ANKRD42: variants seen among roughly 807,000 people sequenced by gnomAD.
ANKRD42 encodes ankyrin repeat domain-containing protein 42.
In ANKRD42, 43 loss-of-function variants were observed where a neutral mutation model predicts 51.5. That is an observed-to-expected ratio of 0.83 (90% CI 0.65 to 1.08). The LOEUF is 1.08. Among genes scored for constraint, ANKRD42 ranks in the 50% least tolerant of loss-of-function variants. The pLI, the probability that ANKRD42 is intolerant of heterozygous loss-of-function variation, is 0.00. For missense variants in ANKRD42, 608 were observed against 629.3 expected, an observed-to-expected ratio of 0.97 and a Z score of 0.36; for synonymous variants, 203 against 213.0, an observed-to-expected ratio of 0.95 and a Z score of 0.41.
At chr11:83,239,746 G>A (rs1412967927) in intron 8 of ANKRD42, among the ~76,000 whole-genome samples, 1 of 152,100 alleles carries the variant, frequency 6.6e-6, no homozygotes, top group Non-Finnish European at 1.5e-5. Flanking sequence ...GTATATTTTT[G>A]TATCAGCATC....
At chr11:83,238,284 T>A (rs535563702) in intron 8 of ANKRD42, among the ~76,000 whole-genome samples, 347 of 152,366 alleles carry the variant, frequency 2.3e-3, no homozygotes, top group Non-Finnish European at 3.7e-3. Flanking sequence ...GGTTTTTGTG[T>A]TAACATGTTT....
chr11:83,222,307 A>G (rs1434002051), intron 5 of ANKRD42, among the ~76,000 whole-genome samples: 2 of 152,206 alleles, frequency 1.3e-5, no homozygotes, highest in Non-Finnish European at 2.9e-5. Context: ...ACATACATTT[A>G]TTGAGCACAT....
chr11:83,262,070 C>T (rs904785741), downstream of ANKRD42: 5 of 729,240 alleles, frequency 6.9e-6, no homozygotes, highest in African/African-American at 1.9e-5. Flanking sequence ...AACAGGAAAT[C>T]CAACCAATTT....
intron 2 of ANKRD42, among the ~76,000 whole-genome samples, chr11:83,204,604 C>T (rs1356887085): frequency 1.7e-4 from 26 of 151,526 alleles, no homozygotes; most frequent in Admixed American, 1.3e-4. Context: ...ATGAAACGAA[C>T]GAACTTGGCA....
chr11:83,193,860 C>T lies in ANKRD42; in HGVS notation c.-811C>T. ...TAGCAGACGAAGACGGTGGCCGCCG[C>T]ACTAGCCACCACGTGTGGAGGATAA... On this transcript the variant is annotated 5_prime_UTR_variant, in exon 1 of 11. Transcript: ENST00000533342. The T allele has an allele frequency of 2.2e-6, 1 of 455,168 alleles. No homozygotes were observed. Among genetic ancestry groups the T allele is most frequent in the Non-Finnish European group, 4.4e-6 (1 of 225,916 alleles). The allele number at this position is 455,168 out of a possible 1,614,324, so 28.2% of individuals were successfully genotyped here.
chr11:83,234,998 C>T (rs905676582), intron 7 of ANKRD42, among the ~76,000 whole-genome samples: 5 of 152,098 alleles, frequency 3.3e-5, no homozygotes, highest in African/African-American at 7.2e-5. Context: ...GAGGTGGGTT[C>T]GCTTTTTAAA....
chr11:83,258,911 C>T (rs2135571796), downstream of ANKRD42, among the ~76,000 whole-genome samples: 1 of 138,422 alleles, frequency 7.2e-6, no homozygotes, highest in Admixed American at 7.1e-5. Flanking sequence ...TATGGATAGG[C>T]AGGTTAGGAT....
At chr11:83,197,854 A>C (rs558469143) in intron 1 of ANKRD42, among the ~76,000 whole-genome samples, 8 of 152,358 alleles carry the variant, frequency 5.3e-5, no homozygotes, top group African/African-American at 1.7e-4. Context: ...ATATATTTGC[A>C]TGTATGAGAT....
chr11:83,245,347 C>T lies in ANKRD42; in HGVS notation c.1196-151C>T, dbSNP rs1229374108. 5 of 700,738 alleles carry T rather than the reference C, an allele frequency of 7.1e-6. No individual in the cohort carries two copies. The Admixed American group carries it at 9.1e-5, about 13-fold the overall frequency. 43.4% of individuals were successfully genotyped at this position (700,738 alleles called of 1,614,324 possible). On this transcript the variant is annotated intron_variant, in intron 9 of 10. Transcript: ENST00000533342. The stretch of plus-strand genomic sequence containing the variant: ...TAGTATTCTGTTACTGATATTTATC[C>T]TTCTTTGTATATACCAACCTTCCTC...
chr11:83,242,567 G>GTTTTTTTTTTGTTTTTTTT (rs770772334), intron 9 of ANKRD42, among the ~76,000 whole-genome samples: 1 of 115,546 alleles, frequency 8.7e-6, no homozygotes, highest in African/African-American at 3.5e-5. Flanking sequence ...TGGTAGTTAA[G>GTTTTTTTTTTGTTTTTTTT]TTTTTTTTTT....
At chr11:83,251,813 T>C (rs1014227240), downstream of ANKRD42, among the ~76,000 whole-genome samples, 2 of 152,204 alleles carry the variant, frequency 1.3e-5, no homozygotes, top group Non-Finnish European at 1.5e-5. Context: ...CAAACATATA[T>C]TTCAAGATAT....
At chr11:83,245,456 G>T (rs1242043718) in intron 9 of ANKRD42, 42 bp from the exon 10 acceptor site, 2 of 1,530,098 alleles carry the variant, frequency 1.3e-6, no homozygotes, top group South Asian at 2.4e-5. Context: ...CACATGAGCT[G>T]TTATATGTCT....
intron 6 of ANKRD42, among the ~76,000 whole-genome samples, chr11:83,225,306 C>T (rs901618287): frequency 6.6e-6 from 1 of 151,970 alleles, no homozygotes; most frequent in Non-Finnish European, 1.5e-5. Flanking sequence ...GTGGCACATG[C>T]CGGTAATCCC....
intron 3 of ANKRD42, chr11:83,209,871 C>T: frequency 2.1e-6 from 1 of 471,498 alleles, no homozygotes; most frequent in East Asian, 4.2e-5. Context: ...AATATGACCC[C>T]AGAAGCCACG....
chr11:83,212,601 G>C (rs556528191), intron 5 of ANKRD42: 1 of 1,370,240 alleles, frequency 7.3e-7, no homozygotes, highest in South Asian at 1.2e-5. Flanking sequence ...ACACACAAAG[G>C]GGAAGGGCAG....
At chr11:83,218,560 A>G (rs1385349223) in intron 5 of ANKRD42, among the ~76,000 whole-genome samples, 1 of 152,148 alleles carries the variant, frequency 6.6e-6, no homozygotes, top group Non-Finnish European at 1.5e-5. Context: ...ATCTGCCTTT[A>G]TTTGTTTTAA....
chr11:83,228,231 C>CTTTTTTTTTTTTT (rs11403803), intron 7 of ANKRD42, among the ~76,000 whole-genome samples: 1 of 59,024 alleles, frequency 1.7e-5, no homozygotes, highest in Non-Finnish European at 3.2e-5. Flanking sequence ...CTCTCTCTCT[C>CTTTTTTTTTTTTT]TTTTTTTTTT....
chr11:83,257,479 C>CT (rs1455790491), downstream of ANKRD42: 1 of 359,410 alleles, frequency 2.8e-6, no homozygotes, highest in Non-Finnish European at 5.5e-6. Flanking sequence ...TTATTGGGCA[C>CT]TTTGTGTGAG....
chr11:83,233,191 C>T (rs901159046), intron 7 of ANKRD42, among the ~76,000 whole-genome samples: 29 of 148,992 alleles, frequency 1.9e-4, no homozygotes, highest in Admixed American at 6.0e-4. Flanking sequence ...TAGAATTCAG[C>T]AATGAAGCCA....
Sources: allele counts gnomAD v4.1 joint callset (sites outside exome capture counted in the v4.1 genomes callset), GRCh38; gene constraint gnomAD v4.1.1; transcripts MANE v1.5; gene names NCBI Gene and HGNC (gene_info 2026-07-23, HGNC 2026-07-21).